CEP128: variants seen among roughly 807,000 people sequenced by gnomAD.
CEP128 encodes centrosomal protein 128.
Under a neutral mutation model 156.7 loss-of-function variants are expected in CEP128, and 132 were observed. That is an observed-to-expected ratio of 0.84 (90% CI 0.73 to 0.97). The LOEUF (loss-of-function observed/expected upper bound fraction) is 0.97, where lower values mean the gene tolerates loss of function less well. CEP128 is among the 50% of genes least tolerant of loss of function. The pLI is 0.00. For synonymous variants in CEP128, 469 were observed against 448.9 expected (o/e 1.04, Z -0.57); for missense variants, 1,252 against 1,281.9 (o/e 0.98, Z 0.36).
intron 19 of CEP128, among the ~76,000 whole-genome samples, chr14:80,697,209 A>C (rs529245968): frequency 6.6e-6 from 1 of 152,266 alleles, no homozygotes; most frequent in East Asian, 1.9e-4. Flanking sequence ...TTTATAAATC[A>C]ATTTGGCCTC....
chr14:80,735,535 T>C (rs993415922), intron 19 of CEP128, among the ~76,000 whole-genome samples: 1 of 152,230 alleles, frequency 6.6e-6, no homozygotes, highest in African/African-American at 2.4e-5. Context: ...GGAAAATTTC[T>C]TGATATACAG....
intron 23 of CEP128, among the ~76,000 whole-genome samples, chr14:80,525,402 G>C (rs1888930253): frequency 6.6e-6 from 1 of 152,210 alleles, no homozygotes; most frequent in Non-Finnish European, 1.5e-5. Flanking sequence ...ACGCCTATCT[G>C]AGAGGATTTC....
At chr14:80,528,752 G>C (rs551660230) in intron 22 of CEP128, among the ~76,000 whole-genome samples, 7 of 152,314 alleles carry the variant, frequency 4.6e-5, no homozygotes, top group African/African-American at 1.7e-4. Context: ...TGCCTCATCA[G>C]ATGAATGCGG....
chr14:80,784,378 C>T (rs1163163278), intron 15 of CEP128, among the ~76,000 whole-genome samples: 1 of 151,834 alleles, frequency 6.6e-6, no homozygotes, highest in Admixed American at 6.6e-5. Flanking sequence ...ATGCTAACAA[C>T]ATTAGACCTT....
intron 4 of CEP128, among the ~76,000 whole-genome samples, chr14:80,911,496 ACT>A (rs1241687929): frequency 1.3e-5 from 2 of 152,116 alleles, no homozygotes; most frequent in African/African-American, 2.4e-5. Flanking sequence ...ACACAGTAAG[ACT>A]CTGTCTCAAA....
chr14:80,682,026 T>C lies in CEP128; in HGVS notation c.2806+61049A>G, dbSNP rs556085342. Among the ~76,000 whole-genome samples the C allele has an allele frequency of 1.4e-4, 21 of 152,238 alleles. No homozygotes were observed. In the South Asian group the frequency reaches 4.4e-3, roughly 32 times the overall value. On this transcript the variant is annotated intron_variant, in intron 19 of 24. Transcript: ENST00000555265. The stretch of plus-strand genomic sequence containing the variant: ...AGGAGGCTTAGACAGAAGGATCACT[T>C]GAACCTAGGAGATCAAACACACAGT...
intron 20 of CEP128, among the ~76,000 whole-genome samples, chr14:80,559,577 A>G (rs1890583084): frequency 6.6e-6 from 1 of 152,166 alleles, no homozygotes. Flanking sequence ...AGAACCTACC[A>G]TTTTTGTAAT....
rs145155550 is a variant in CEP128, at chr14:80,726,278, T to G, written c.2806+16797A>C. Among the ~76,000 whole-genome samples, 592 of 152,264 alleles carry G rather than the reference T, an allele frequency of 3.9e-3. 3 individuals are homozygous for G. Among genetic ancestry groups the G allele is most frequent in the African/African-American group, 0.014 (567 of 41,560 alleles). On this transcript the variant is annotated intron_variant, in intron 19 of 24. Transcript: ENST00000555265. Reference sequence around the variant, plus strand: ...TGATGACTGATCCCGTAACCTGTAATTTATATTCCCTCAGAGTATTTATAG... The same window carrying G: ...TGATGACTGATCCCGTAACCTGTAAGTTATATTCCCTCAGAGTATTTATAG...
intron 19 of CEP128, among the ~76,000 whole-genome samples, chr14:80,724,422 C>T (rs1281086868): frequency 6.6e-6 from 1 of 151,942 alleles, no homozygotes; most frequent in Admixed American, 6.6e-5. Context: ...TAAGAACAGC[C>T]AATCTGGAAT....
chr14:80,836,277 G>C lies in CEP128; in HGVS notation c.985C>G (p.Gln329Glu). ...TGTTGCTTGGAAATCTGAGATACTT[G>C]ATGCTGTAAACCCTTTCGATCACCT... ...AEGDRKGLQHQVSQISKQQSN... is the reference protein window; with the variant it reads ...AEGDRKGLQHEVSQISKQQSN... Residue 329 changes from glutamine to glutamate, a missense_variant, in exon 12 of 25, where the codon CAA becomes GAA. Physicochemically the swap from Gln to Glu is conservative, Grantham distance 29. Transcript: ENST00000555265. 1 of 1,613,960 alleles carries C rather than the reference G, an allele frequency of 6.2e-7. No individual in the cohort carries two copies. The highest frequency in any genetic ancestry group is 8.5e-7 in the Non-Finnish European group (1 of 1,179,870).
chr14:80,494,541 C>T (rs546596049), downstream of CEP128, among the ~76,000 whole-genome samples: 2 of 152,134 alleles, frequency 1.3e-5, no homozygotes, highest in South Asian at 2.1e-4. Flanking sequence ...AGAATTTGGT[C>T]CCATTTTAAA....
intron 24 of CEP128, among the ~76,000 whole-genome samples, chr14:80,504,304 G>T (rs1249196086): frequency 6.6e-6 from 1 of 152,112 alleles, no homozygotes; most frequent in Non-Finnish European, 1.5e-5. Flanking sequence ...CACACTGTGG[G>T]TGCTCATAAC....
chr14:80,931,175 A>G (rs1885439927), intron 2 of CEP128, among the ~76,000 whole-genome samples: 1 of 152,238 alleles, frequency 6.6e-6, no homozygotes, highest in Admixed American at 6.5e-5. Flanking sequence ...CAGCTGCAGA[A>G]CTATTAAAGT....
intron 20 of CEP128, among the ~76,000 whole-genome samples, chr14:80,579,921 T>C (rs1213367185): frequency 6.6e-6 from 1 of 152,228 alleles, no homozygotes; most frequent in African/African-American, 2.4e-5. Flanking sequence ...TGAATAAACC[T>C]GTACTGAATT....
At chr14:80,588,241 G>T (rs529451850) in intron 19 of CEP128, among the ~76,000 whole-genome samples, 2 of 152,176 alleles carry the variant, frequency 1.3e-5, no homozygotes, top group African/African-American at 4.8e-5. Context: ...GTATGATATA[G>T]ATCAGTGATG....
At chr14:80,561,512 A>G (rs748200786) in intron 20 of CEP128, among the ~76,000 whole-genome samples, 3 of 152,212 alleles carry the variant, frequency 2.0e-5, no homozygotes, top group Non-Finnish European at 4.4e-5. Flanking sequence ...TGCCTTATAC[A>G]GAGAGAAACA....
chr14:80,534,945 G>C (rs1889417347), intron 21 of CEP128, among the ~76,000 whole-genome samples: 2 of 151,918 alleles, frequency 1.3e-5, no homozygotes, highest in Non-Finnish European at 2.9e-5. Context: ...GCTTACAAAG[G>C]GGTTTAAAAT....
At position 80,610,291 on chromosome 14, in the gene CEP128, C is replaced by T. The variant is rs146757655; in HGVS notation, c.2807-29868G>A. On this transcript the variant is annotated intron_variant, in intron 19 of 24. Transcript: ENST00000555265. ...ATGTTTGAGTATATATCTAGGAATGCTACTGTTTTTATCATCTGTCTGATT... is the reference window on the plus strand; with the variant it reads ...ATGTTTGAGTATATATCTAGGAATGTTACTGTTTTTATCATCTGTCTGATT... Among the ~76,000 whole-genome samples the T allele has an allele frequency of 1.2e-3, 181 of 152,186 alleles. 4 individuals carry two copies. In the Middle Eastern group the frequency reaches 0.024, roughly 20 times the overall value.
intron 14 of CEP128, among the ~76,000 whole-genome samples, chr14:80,484,526 T>C (rs1359298793): frequency 6.6e-6 from 1 of 152,222 alleles, no homozygotes; most frequent in Non-Finnish European, 1.5e-5. Context: ...TTTTGTTAAA[T>C]TGATCAAACA....
Sources: allele counts gnomAD v4.1 joint callset (sites outside exome capture counted in the v4.1 genomes callset), GRCh38; gene constraint gnomAD v4.1.1; transcripts MANE v1.5; gene names NCBI Gene and HGNC (gene_info 2026-07-23, HGNC 2026-07-21).